Variants in DMD observed in about 807,000 individuals in gnomAD.
DMD encodes dystrophin, also known as mutant dystrophin.
Under a neutral mutation model 330.1 loss-of-function variants are expected in DMD, and 63 were observed. The observed-to-expected ratio is 0.19, with a 90% CI of 0.16 to 0.24. DMD has a LOEUF of 0.24. DMD is among the 10% of genes least tolerant of loss of function. The pLI is 1.00. For missense variants in DMD, 3,344 were observed against 2,684.1 expected, an observed-to-expected ratio of 1.25 and a Z score of -5.43; for synonymous variants, 1,223 against 959.8, an observed-to-expected ratio of 1.27 and a Z score of -5.07.
chrX:32,550,697 G>A (rs989211035), intron 16 of DMD, among the ~76,000 whole-genome samples: 2 of 110,113 alleles, frequency 1.8e-5, no homozygotes, highest in African/African-American at 6.6e-5. Context: ...TCTAGGAGCT[G>A]TTTCTTTGAA....
chrX:32,098,061 T>A (rs2096520353), intron 44 of DMD, among the ~76,000 whole-genome samples: 1 of 111,387 alleles, frequency 9.0e-6, no homozygotes, highest in Admixed American at 9.6e-5. Flanking sequence ...TCAGATGCTA[T>A]GCTCTTCAAG....
At chrX:32,765,874 T>A (rs1229241267) in intron 7 of DMD, among the ~76,000 whole-genome samples, 1 of 112,116 alleles carries the variant, frequency 8.9e-6, no homozygotes, top group Non-Finnish European at 1.9e-5. Context: ...CCATTTTGAC[T>A]TAATTTTTGT....
At chrX:33,326,376 T>A (rs1479078177) in intron 1 of DMD, among the ~76,000 whole-genome samples, 1 of 112,185 alleles carries the variant, frequency 8.9e-6, no homozygotes, top group East Asian at 2.8e-4. Context: ...GAAGATTCTA[T>A]GCACAGGGGT....
In DMD at chrX:32,044,667, C is replaced by T. The variant is rs12156715; in HGVS notation, c.6439-76153G>A. Among the ~76,000 whole-genome samples the T allele has an allele frequency of 9.9e-3, 1,094 of 110,853 alleles. 7 individuals carry two copies. Among genetic ancestry groups the T allele is most frequent in the Non-Finnish European group, 0.014 (748 of 52,894 alleles). On this transcript the variant is annotated intron_variant, in intron 44 of 78. Coordinates refer to ENST00000357033, the MANE Select transcript of DMD (RefSeq NM_004006.3). ...TCGATCTCCTGACATCATGATCCGCCCGCCTTGGCCTCCCAAAGTGCTGGG... is the reference window on the plus strand; with the variant it reads ...TCGATCTCCTGACATCATGATCCGCTCGCCTTGGCCTCCCAAAGTGCTGGG...
At chrX:32,331,322 A>C (rs1169195492) in intron 41 of DMD, among the ~76,000 whole-genome samples, 7 of 111,759 alleles carry the variant, frequency 6.3e-5, no homozygotes, top group Non-Finnish European at 1.1e-4. Context: ...AGGTTGTAGC[A>C]TTCAAATAAA....
At chrX:33,181,773 T>A (rs1018453485) in intron 1 of DMD, among the ~76,000 whole-genome samples, 4 of 112,023 alleles carry the variant, frequency 3.6e-5, no homozygotes, top group African/African-American at 1.3e-4. Flanking sequence ...TGAGTGTTAA[T>A]GCACAGAGGC....
In DMD at chrX:31,486,190, G is replaced by A. The variant is rs183086061; in HGVS notation, c.8548-7087C>T. Among the ~76,000 whole-genome samples the A allele has an allele frequency of 5.3e-5, 6 of 112,535 alleles. No homozygotes were observed. In the East Asian group the frequency reaches 1.7e-3, roughly 31 times the overall value. ...AGTTTGAGAGTCTCTGCTAAGCATC[G>A]TTATTATCGATGCTTAAAAACCATA... On this transcript the variant is annotated intron_variant, in intron 57 of 78. Coordinates refer to ENST00000357033, the MANE Select transcript of DMD (RefSeq NM_004006.3).
Position 32,617,407 on chromosome X carries a change from A to T in DMD, c.1332-2954T>A, listed in dbSNP as rs2057667183. On this transcript the variant is annotated intron_variant, in intron 11 of 78. Transcript: ENST00000357033. Reference sequence around the variant, plus strand: ...ATAATAGAGAACCCAGGAATAAATTAATGCATTTGCATTCAACTGATTTTG... The same window carrying T: ...ATAATAGAGAACCCAGGAATAAATTTATGCATTTGCATTCAACTGATTTTG... Among the ~76,000 whole-genome samples, 3 of 111,466 alleles carry T rather than the reference A, an allele frequency of 2.7e-5. No homozygotes were observed. In the South Asian group the frequency reaches 1.1e-3, roughly 42 times the overall value.
intron 1 of DMD, among the ~76,000 whole-genome samples, chrX:33,036,807 G>GTA (rs774783832): frequency 1.6e-5 from 1 of 61,753 alleles, no homozygotes; most frequent in Non-Finnish European, 3.1e-5. Context: ...ATGCATGTGT[G>GTA]TGTATATATA....
chrX:31,134,863 C>T (rs2060746526), intron 76 of DMD, among the ~76,000 whole-genome samples: 1 of 111,821 alleles, frequency 8.9e-6, no homozygotes, highest in Admixed American at 9.5e-5. Flanking sequence ...ATATCAAATG[C>T]ACTCCATAAA....
intron 51 of DMD, among the ~76,000 whole-genome samples, chrX:31,750,259 A>T (rs2088397951): frequency 9.3e-6 from 1 of 107,354 alleles, no homozygotes; most frequent in Admixed American, 1.0e-4. Context: ...GTTTTCTTCT[A>T]GGGTTTTTAT....
Position 33,310,507 on chromosome X carries a change from A to C in DMD, c.7+28752T>G, listed in dbSNP as rs777690710. ...AAAAGGTCTATAATAACATTGAACCAATTATTAAATGTATATTTTTCTTCT... is the reference window on the plus strand; with the variant it reads ...AAAAGGTCTATAATAACATTGAACCCATTATTAAATGTATATTTTTCTTCT... On this transcript the variant is annotated intron_variant, in intron 1 of 17. Transcript: ENST00000288447. Among the ~76,000 whole-genome samples the C allele has an allele frequency of 4.3e-3, 479 of 111,489 alleles. 1 individual carries two copies. The highest frequency in any genetic ancestry group is 0.015 in the African/African-American group (459 of 30,832).
At chrX:31,690,691 C>A (rs2083054379) in intron 52 of DMD, among the ~76,000 whole-genome samples, 1 of 111,939 alleles carries the variant, frequency 8.9e-6, no homozygotes, top group Non-Finnish European at 1.9e-5. Flanking sequence ...CTGCACTATT[C>A]ACAATAGCAA....
At chrX:31,962,012 G>C (rs1167970484) in intron 45 of DMD, among the ~76,000 whole-genome samples, 1 of 110,663 alleles carries the variant, frequency 9.0e-6, no homozygotes, top group Non-Finnish European at 1.9e-5. Flanking sequence ...GATAAATAAT[G>C]CAAAATCTGA....
At chrX:32,937,638 G>A (rs1202242624) in intron 2 of DMD, among the ~76,000 whole-genome samples, 1 of 108,159 alleles carries the variant, frequency 9.2e-6, no homozygotes, top group Admixed American at 1.0e-4. Context: ...GACATTGGAT[G>A]AGTAGACGAA....
Position 31,649,581 on chromosome X carries a change from A to ATTT in DMD, c.8027+8406_8027+8408dup, listed in dbSNP as rs768282976. ...ATTACCCTACTGTAGAATGCAGAGA[A>ATTT]TTTTTTTTTTTTTTTGAGACAAAGT... On this transcript the variant is annotated intron_variant, in intron 54 of 78. Transcript: ENST00000357033. 2.2e-4 allele frequency among the ~76,000 whole-genome samples: 23 copies of ATTT among 102,744 alleles called. No homozygotes were observed. In the South Asian group the frequency reaches 4.7e-3, roughly 21 times the overall value. 89.2% of individuals were successfully genotyped at this position (102,744 alleles called of 115,157 possible). A position where few individuals can be genotyped will look rare whatever the true frequency, so the allele number is the denominator to read the frequency against.
chrX:32,550,204 A>C (rs774392910), intron 16 of DMD, among the ~76,000 whole-genome samples: 142 of 112,156 alleles, frequency 1.3e-3, no homozygotes, highest in African/African-American at 4.4e-3. Flanking sequence ...ATCGAAAGGT[A>C]CAATAAAAAT....
chrX:32,396,401 C>T (rs753208840), intron 30 of DMD, among the ~76,000 whole-genome samples: 3 of 110,775 alleles, frequency 2.7e-5, no homozygotes, highest in African/African-American at 9.8e-5. Context: ...TAGTGAAATT[C>T]GCATATTTGT....
At chrX:32,567,242 G>C (rs2051835256) in intron 15 of DMD, among the ~76,000 whole-genome samples, 1 of 112,080 alleles carries the variant, frequency 8.9e-6, no homozygotes, top group African/African-American at 3.2e-5. Flanking sequence ...AACAAAGCAA[G>C]ATTTAAGTTT....
Sources: allele counts gnomAD v4.1 joint callset (sites outside exome capture counted in the v4.1 genomes callset), GRCh38; gene constraint gnomAD v4.1.1; transcripts MANE v1.5; gene names NCBI Gene and HGNC (gene_info 2026-07-23, HGNC 2026-07-21).